Variants in CRB1 observed in about 807,000 individuals in gnomAD.
The protein encoded by CRB1 is crumbs cell polarity complex component 1.
CRB1 carries 83 observed loss-of-function variants against 120.0 expected under a neutral mutation model. The ratio of observed to expected loss-of-function variants is 0.69; its 90% CI spans 0.58 to 0.83. The LOEUF is 0.83. CRB1 is among the 40% of genes least tolerant of loss of function. The pLI is 0.00. For missense variants in CRB1, 1,699 were observed against 1,687.6 expected, an observed-to-expected ratio of 1.01 and a Z score of -0.12; for synonymous variants, 625 against 612.5, an observed-to-expected ratio of 1.02 and a Z score of -0.30.
intron 11 of CRB1, among the ~76,000 whole-genome samples, chr1:197,474,295 G>T (rs1476010212): frequency 2.0e-5 from 3 of 152,176 alleles, no homozygotes; most frequent in Non-Finnish European, 4.4e-5. Flanking sequence ...AACTTGCTGT[G>T]TTTGCACAAG....
chr1:197,441,321 A>G (rs375079606), intron 10 of CRB1: 2 of 152,198 alleles, frequency 1.3e-5, no homozygotes, highest in East Asian at 3.8e-4. Flanking sequence ...CCACTGTGTG[A>G]CTGAATACAT....
chr1:197,464,309 C>T (rs185047874), intron 11 of CRB1, among the ~76,000 whole-genome samples: 3 of 152,084 alleles, frequency 2.0e-5, no homozygotes, highest in African/African-American at 7.2e-5. Flanking sequence ...GCACTGAGCA[C>T]GTTTGGAGAA....
Position 197,282,724 on chromosome 1 carries a change from T to G in CRB1, c.70+14242T>G, listed in dbSNP as rs545711009. ...AGAGAAATATTATTTCTCCATTTTA[T>G]GTTCTCAATGTCTTGTAAAACTATT... is the stretch of plus-strand genomic sequence containing the variant. On this transcript the variant is annotated intron_variant, in intron 1 of 11. Coordinates refer to ENST00000367400, the MANE Select transcript of CRB1 (RefSeq NM_201253.3). Among the ~76,000 whole-genome samples the G allele has an allele frequency of 4.6e-5, 7 of 152,062 alleles. No individual in the cohort carries two copies. The East Asian group carries it at 1.4e-3, about 30-fold the overall frequency.
intron 5 of CRB1, among the ~76,000 whole-genome samples, chr1:197,385,134 C>T (rs538147042): frequency 1.4e-4 from 22 of 152,252 alleles, no homozygotes; most frequent in Admixed American, 7.2e-4. Context: ...GCTGCTACTG[C>T]AAACTACCCT....
chr1:197,269,606 G>A (rs1415343), intron 1 of CRB1, among the ~76,000 whole-genome samples: 52,447 of 151,834 alleles, frequency 0.35, 11,495 homozygotes, highest in East Asian at 0.77. Context: ...AGGCAATGAG[G>A]AATGAGGAAG....
intron 5 of CRB1, among the ~76,000 whole-genome samples, chr1:197,411,876 T>G (rs1278765935): frequency 6.6e-6 from 1 of 152,208 alleles, no homozygotes; most frequent in Non-Finnish European, 1.5e-5. Context: ...ACCCAGATGT[T>G]AAGCCTAGTA....
the CRB1 span, among the ~76,000 whole-genome samples, chr1:197,207,834 T>G: frequency 6.6e-6 from 1 of 152,060 alleles, no homozygotes; most frequent in Non-Finnish European, 1.5e-5. Flanking sequence ...TAGATTTCTC[T>G]TCTTCCTTAG....
chr1:197,357,894 T>G (rs1660573761), intron 5 of CRB1: 1 of 152,230 alleles, frequency 6.6e-6, no homozygotes, highest in African/African-American at 2.4e-5. Flanking sequence ...TATTTCCTTA[T>G]TCACTGACCT....
At chr1:197,314,378 T>G (rs1177677770) in intron 1 of CRB1, among the ~76,000 whole-genome samples, 1 of 152,230 alleles carries the variant, frequency 6.6e-6, no homozygotes, top group African/African-American at 2.4e-5. Context: ...GTCCTTCTTA[T>G]AGTTTTCATT....
chr1:197,459,359 G>A (rs1218442619), intron 11 of CRB1, among the ~76,000 whole-genome samples: 8 of 152,122 alleles, frequency 5.3e-5, no homozygotes, highest in Non-Finnish European at 1.2e-4. Flanking sequence ...TTGGACTGCT[G>A]TAACAAAATG....
intron 1 of CRB1, among the ~76,000 whole-genome samples, chr1:197,298,513 G>T (rs888084464): frequency 5.9e-5 from 9 of 152,104 alleles, no homozygotes; most frequent in African/African-American, 2.2e-4. Flanking sequence ...ATAATTTTCA[G>T]TGTTTTGGAC....
At chr1:197,213,667 T>A in the CRB1 span, among the ~76,000 whole-genome samples, 1 of 152,196 alleles carries the variant, frequency 6.6e-6, no homozygotes, top group Non-Finnish European at 1.5e-5. Context: ...AAAAGATTGA[T>A]GTTATACCAA....
At chr1:197,260,121 C>T in the CRB1 span, among the ~76,000 whole-genome samples, 1 of 151,936 alleles carries the variant, frequency 6.6e-6, no homozygotes, top group African/African-American at 2.4e-5. Flanking sequence ...ACTGCCTGCA[C>T]TCCAGGCTGG....
chr1:197,469,511 G>A (rs1292296058), intron 11 of CRB1, among the ~76,000 whole-genome samples: 1 of 152,164 alleles, frequency 6.6e-6, no homozygotes, highest in Non-Finnish European at 1.5e-5. Flanking sequence ...GTAATGAAGA[G>A]ATGAAAAGGA....
intron 10 of CRB1, chr1:197,438,898 A>T (rs1665295022): frequency 4.4e-6 from 2 of 457,948 alleles, no homozygotes; most frequent in South Asian, 2.3e-5. Context: ...GGGAAAAATG[A>T]TTTTTAAAAA....
chr1:197,304,801 T>A (rs1657069324), intron 1 of CRB1, among the ~76,000 whole-genome samples: 1 of 152,194 alleles, frequency 6.6e-6, no homozygotes, highest in African/African-American at 2.4e-5. Context: ...CAAGAGGCAG[T>A]TTTGACAAAG....
Position 197,473,528 on chromosome 1 carries a change from C to T in CRB1, c.4006-4136C>T, listed in dbSNP as rs182067316. ...CTGCAGATATGGAGTTCAAAGTAAT[C>T]ACAGTTTAAATTAATCATACATACA... On this transcript the variant is annotated intron_variant, in intron 11 of 11. Coordinates refer to ENST00000367400, the MANE Select transcript of CRB1 (RefSeq NM_201253.3). Among the ~76,000 whole-genome samples the T allele has an allele frequency of 2.6e-3, 393 of 151,512 alleles. 4 individuals carry two copies. The highest frequency in any genetic ancestry group is 4.6e-3 in the South Asian group (22 of 4,784).
chr1:197,257,016 T>C, the CRB1 span, among the ~76,000 whole-genome samples: 4 of 151,428 alleles, frequency 2.6e-5, no homozygotes, highest in East Asian at 7.8e-4. Context: ...TGATATGCCA[T>C]CTGCAAACTG....
At chr1:197,450,765 C>A (rs1192118866) in intron 11 of CRB1, among the ~76,000 whole-genome samples, 1 of 124,418 alleles carries the variant, frequency 8.0e-6, no homozygotes, top group Admixed American at 9.5e-5. Flanking sequence ...ATGGTGAAAC[C>A]CCGTCTCTAC....
Sources: allele counts gnomAD v4.1 joint callset (sites outside exome capture counted in the v4.1 genomes callset), GRCh38; gene constraint gnomAD v4.1.1; transcripts MANE v1.5; gene names NCBI Gene and HGNC (gene_info 2026-07-23, HGNC 2026-07-21).